MCU: variants seen among roughly 807,000 people sequenced by gnomAD.
MCU encodes the protein calcium uniporter protein, mitochondrial.
A neutral mutation model predicts 45.2 loss-of-function variants in MCU; 12 were observed. That is an observed-to-expected ratio of 0.27 (90% CI 0.17 to 0.43). The LOEUF is 0.43. Among genes scored for constraint, MCU ranks in the 20% least tolerant of loss-of-function variants. MCU has a pLI of 1.00. For synonymous variants in MCU, 160 were observed against 165.1 expected (o/e 0.97, Z 0.24); for missense variants, 324 against 436.7 (o/e 0.74, Z 2.30).
chr10:72,831,958 AAG>A (rs1469435060), intron 1 of MCU, among the ~76,000 whole-genome samples: 1 of 152,218 alleles, frequency 6.6e-6, no homozygotes, highest in African/African-American at 2.4e-5. Context: ...AGGCCGTTAA[AAG>A]AACTTTGACT....
At chr10:72,868,417 C>T (rs1223826685) in intron 4 of MCU, among the ~76,000 whole-genome samples, 2 of 151,942 alleles carry the variant, frequency 1.3e-5, no homozygotes, top group South Asian at 2.1e-4. Context: ...GGCTTGTGGC[C>T]GGTGCACACC....
chr10:72,857,910 C>CGT (rs1327787399), intron 2 of MCU, among the ~76,000 whole-genome samples: 3 of 152,132 alleles, frequency 2.0e-5, no homozygotes, highest in Admixed American at 1.3e-4. Flanking sequence ...GTTATAAAAT[C>CGT]TTAAACATCT....
At chr10:72,757,305 GGAGA>G (rs1419628488) in intron 1 of MCU, among the ~76,000 whole-genome samples, 3 of 152,120 alleles carry the variant, frequency 2.0e-5, no homozygotes, top group Non-Finnish European at 4.4e-5. Context: ...AAGAAACAAG[GGAGA>G]TGTGACATTA....
At chr10:72,860,602 G>C (rs757762796) in intron 4 of MCU, 75 bp downstream of exon 4, 16 of 1,187,812 alleles carry the variant, frequency 1.3e-5, no homozygotes, top group Non-Finnish European at 2.0e-5. Context: ...TTTTTCCTTG[G>C]GTAACCTTGA....
intron 1 of MCU, among the ~76,000 whole-genome samples, chr10:72,781,562 G>T (rs1226965305): frequency 6.6e-6 from 1 of 152,192 alleles, no homozygotes. Flanking sequence ...CGGAGTTTGA[G>T]TATTTATGGT....
At chr10:72,816,708 G>A (rs2132810178) in intron 1 of MCU, among the ~76,000 whole-genome samples, 1 of 152,200 alleles carries the variant, frequency 6.6e-6, no homozygotes, top group African/African-American at 2.4e-5. Flanking sequence ...GGAGGCACAG[G>A]CTGCAGTGAG....
chr10:72,804,078 TAAGAG>T (rs1443683735), intron 1 of MCU, among the ~76,000 whole-genome samples: 3 of 59,770 alleles, frequency 5.0e-5, no homozygotes, highest in African/African-American at 1.1e-4. Context: ...ATATATAAAA[TAAGAG>T]TGCCAACAAT....
chr10:72,693,888 A>G (rs557887164), intron 1 of MCU, among the ~76,000 whole-genome samples: 3 of 152,348 alleles, frequency 2.0e-5, no homozygotes, highest in African/African-American at 4.8e-5. Context: ...CCATATTTTG[A>G]TAAGACATCT....
At chr10:72,870,677 C>T (rs2132884824) in intron 5 of MCU, among the ~76,000 whole-genome samples, 1 of 152,282 alleles carries the variant, frequency 6.6e-6, no homozygotes, top group Admixed American at 6.5e-5. Flanking sequence ...GCTTTAAATC[C>T]AGAGTCCATA....
In MCU at chr10:72,800,954, G is replaced by T. The variant is rs568481564; in HGVS notation, c.151-33405G>T. ...TCTCTACAAAAAAATTAAAAAATTC[G>T]CTGGGCATGGTGGAACACACCTGTA... On this transcript the variant is annotated intron_variant, in intron 1 of 7. Transcript: ENST00000373053. Among the ~76,000 whole-genome samples the T allele has an allele frequency of 5.3e-5, 8 of 152,176 alleles. No individual in the cohort carries two copies. The South Asian group carries it at 1.5e-3, about 28-fold the overall frequency.
intron 1 of MCU, among the ~76,000 whole-genome samples, chr10:72,813,450 C>CTTTTTTTTT (rs71021537): frequency 3.9e-5 from 3 of 76,196 alleles, no homozygotes; most frequent in Admixed American, 1.7e-4. Flanking sequence ...CCAGCTCTCT[C>CTTTTTTTTT]TTTTTTTTTT....
chr10:72,699,183 T>G (rs1244477317), intron 1 of MCU, among the ~76,000 whole-genome samples: 1 of 152,124 alleles, frequency 6.6e-6, no homozygotes, highest in African/African-American at 2.4e-5. Flanking sequence ...AAAACTAAGA[T>G]GTTACTGTGG....
chr10:72,850,566 C>T (rs1017441364), intron 2 of MCU, among the ~76,000 whole-genome samples: 1 of 152,108 alleles, frequency 6.6e-6, no homozygotes, highest in African/African-American at 2.4e-5. Flanking sequence ...AAATAACAAG[C>T]ATTTGTATTT....
intron 2 of MCU, among the ~76,000 whole-genome samples, chr10:72,854,001 G>A (rs933033424): frequency 6.6e-6 from 1 of 152,098 alleles, no homozygotes; most frequent in African/African-American, 2.4e-5. Flanking sequence ...AAGTGTGGTG[G>A]TGTGTACCTG....
intron 3 of MCU, chr10:72,859,902 G>A (rs1274731840): frequency 6.6e-6 from 1 of 151,904 alleles, no homozygotes; most frequent in Non-Finnish European, 1.5e-5. Flanking sequence ...TACAATAAAT[G>A]CCCATTTACC....
intron 1 of MCU, among the ~76,000 whole-genome samples, chr10:72,821,113 C>T (rs763549515): frequency 2.6e-5 from 4 of 151,504 alleles, no homozygotes; most frequent in Non-Finnish European, 4.4e-5. Context: ...TTTGTAACTT[C>T]TTTGTGATCA....
chr10:72,719,071 A>G lies in MCU; in HGVS notation c.150+26770A>G, dbSNP rs144830332. Among the ~76,000 whole-genome samples the G allele has an allele frequency of 3.2e-3, 484 of 152,288 alleles. 4 individuals are homozygous for G. The highest frequency in any genetic ancestry group is 0.011 in the African/African-American group (455 of 41,554). On this transcript the variant is annotated intron_variant, in intron 1 of 7. Coordinates refer to ENST00000373053, the MANE Select transcript of MCU (RefSeq NM_138357.3). The stretch of plus-strand genomic sequence containing the variant: ...AGGCATTGGTTACATGGGTGGGTTC[A>G]TTTTGTGAAAAAATTATCAAGTTTA...
intron 2 of MCU, among the ~76,000 whole-genome samples, chr10:72,836,880 C>T (rs375685371): frequency 7.9e-5 from 12 of 152,194 alleles, no homozygotes; most frequent in African/African-American, 2.6e-4. Flanking sequence ...ACAGCTACTC[C>T]AATAAGTAGA....
intron 1 of MCU, among the ~76,000 whole-genome samples, chr10:72,774,329 C>A (rs1251218713): frequency 6.6e-6 from 1 of 152,050 alleles, no homozygotes. Flanking sequence ...GATCTAAGTT[C>A]TCATCTCTTT....
Sources: allele counts gnomAD v4.1 joint callset (sites outside exome capture counted in the v4.1 genomes callset), GRCh38; gene constraint gnomAD v4.1.1; transcripts MANE v1.5; gene names NCBI Gene and HGNC (gene_info 2026-07-23, HGNC 2026-07-21).